Variants in SPATA31H1 observed in about 807,000 individuals in gnomAD.
SPATA31H1 encodes the protein spermatogenesis-associated protein 31H1.
At chr2:27,579,912 C>G in the SPATA31H1 span, 5 of 1,614,034 alleles carry the variant, frequency 3.1e-6, no homozygotes, top group Non-Finnish European at 4.2e-6. Flanking sequence ...AGCTTCAGGT[C>G]TAGTCCTAAA....
chr2:27,581,935 A>T, the SPATA31H1 span: 7 of 1,469,522 alleles, frequency 4.8e-6, no homozygotes, highest in Admixed American at 1.5e-4. Context: ...CCCTCAGAGA[A>T]AAGCCATCAC....
At chr2:27,539,290 T>A in the SPATA31H1 span, among the ~76,000 whole-genome samples, 1 of 149,748 alleles carries the variant, frequency 6.7e-6, no homozygotes, top group Admixed American at 6.6e-5. Flanking sequence ...TGTCCCTGGG[T>A]ACTTAAGATT....
the SPATA31H1 span, among the ~76,000 whole-genome samples, chr2:27,547,394 T>C: frequency 6.6e-6 from 1 of 151,884 alleles, no homozygotes; most frequent in Non-Finnish European, 1.5e-5. Flanking sequence ...AGGCTAGTCT[T>C]GAACTCTTGA....
At chr2:27,576,521 C>A in the SPATA31H1 span, 5 of 1,384,900 alleles carry the variant, frequency 3.6e-6, no homozygotes, top group African/African-American at 5.8e-5. Context: ...GGTCACAATG[C>A]GTTAAATCTG....
At chr2:27,571,125 T>C in the SPATA31H1 span, 2 of 398,278 alleles carry the variant, frequency 5.0e-6, no homozygotes, top group Non-Finnish European at 4.4e-6. Flanking sequence ...AGGGCCACAT[T>C]TGGGAGATGT....
chr2:27,569,926 C>T, the SPATA31H1 span: 2 of 398,750 alleles, frequency 5.0e-6, no homozygotes, highest in Non-Finnish European at 8.8e-6. Flanking sequence ...ATCTCACAAC[C>T]CCCACATTAT....
chr2:27,567,660 A>T, the SPATA31H1 span: 1 of 400,980 alleles, frequency 2.5e-6, no homozygotes, highest in Non-Finnish European at 4.4e-6. Context: ...TTTAGAACTT[A>T]ATGTAATTCA....
At chr2:27,570,477 G>A in the SPATA31H1 span, 470 of 398,940 alleles carry the variant, frequency 1.2e-3, 4 homozygotes, top group East Asian at 0.014. Context: ...TGTGAATTTT[G>A]TAGAGGTGGT....
the SPATA31H1 span, chr2:27,581,423 C>G: frequency 6.2e-7 from 1 of 1,614,092 alleles, no homozygotes; most frequent in Non-Finnish European, 8.5e-7. Context: ...ACTGCAGTCC[C>G]CCCGAGAGGA....
chr2:27,570,740 G>A, the SPATA31H1 span: 2 of 398,866 alleles, frequency 5.0e-6, no homozygotes, highest in South Asian at 2.5e-4. Flanking sequence ...TGGCTCCAGG[G>A]CCAGAGGGGG....
At chr2:27,580,284 A>G in the SPATA31H1 span, 1 of 1,614,184 alleles carries the variant, frequency 6.2e-7, no homozygotes, top group Non-Finnish European at 8.5e-7. Flanking sequence ...AGGACAACGC[A>G]GCAGGCCTGA....
the SPATA31H1 span, chr2:27,573,557 T>A: frequency 3.1e-4 from 123 of 398,534 alleles, no homozygotes; most frequent in South Asian, 8.9e-4. Flanking sequence ...AACCTATTGC[T>A]TTGAAATCTG....
the SPATA31H1 span, among the ~76,000 whole-genome samples, chr2:27,549,072 CAAAAAAAAAA>C: frequency 1.5e-4 from 8 of 53,306 alleles, no homozygotes; most frequent in Non-Finnish European, 2.5e-4. Flanking sequence ...GACTCCGTCT[CAAAAAAAAAA>C]AAAAAAAAAA....
the SPATA31H1 span, chr2:27,577,100 G>T: frequency 6.2e-7 from 1 of 1,614,164 alleles, no homozygotes; most frequent in East Asian, 2.2e-5. This position sits in a 1 kb window ranked among gnomAD's most constrained non-coding sequence, Gnocchi z 4.5. Context: ...ATACTGTAGA[G>T]AAATCTGTGG....
At chr2:27,537,462 A>C in the SPATA31H1 span, 1 of 717,488 alleles carries the variant, frequency 1.4e-6, no homozygotes, top group Non-Finnish European at 2.6e-6. Context: ...TCCCACTGCC[A>C]TCAGATATCA....
At chr2:27,546,529 C>T in the SPATA31H1 span, among the ~76,000 whole-genome samples, 4 of 151,980 alleles carry the variant, frequency 2.6e-5, no homozygotes, top group East Asian at 5.8e-4. Flanking sequence ...TTTAATGAAA[C>T]GTTCTTATTC....
the SPATA31H1 span, chr2:27,581,566 C>G: frequency 1.2e-5 from 17 of 1,462,406 alleles, no homozygotes; most frequent in South Asian, 2.2e-4. Context: ...CATCGCAGTT[C>G]CTCTGAGAGA....
chr2:27,565,857 G>A, the SPATA31H1 span, among the ~76,000 whole-genome samples: 1 of 152,326 alleles, frequency 6.6e-6, no homozygotes, highest in Admixed American at 6.5e-5. Context: ...GTATGATGAA[G>A]GCAGCATAGT....
chr2:27,567,097 G>A, the SPATA31H1 span: 1 of 712,920 alleles, frequency 1.4e-6, no homozygotes, highest in African/African-American at 1.8e-5. Flanking sequence ...CAACCTCAGA[G>A]CTCTTTTATC....
Sources: allele counts gnomAD v4.1 joint callset (sites outside exome capture counted in the v4.1 genomes callset), GRCh38; gene constraint gnomAD v4.1.1; non-coding constraint Gnocchi (gnomAD v3.1); transcripts MANE v1.5; gene names NCBI Gene and HGNC (gene_info 2026-07-23, HGNC 2026-07-21).